Variants in DPP6 observed in about 807,000 individuals in gnomAD.
The protein encoded by DPP6 is A-type potassium channel modulatory protein DPP6.
DPP6 carries 69 observed loss-of-function variants against 122.6 expected under a neutral mutation model. The ratio of observed to expected loss-of-function variants is 0.56; its 90% CI spans 0.46 to 0.69. The LOEUF is 0.69. Among genes scored for constraint, DPP6 ranks in the 30% least tolerant of loss-of-function variants. DPP6 has a pLI of 0.00. For missense variants in DPP6, 928 were observed against 1,116.9 expected, an observed-to-expected ratio of 0.83 and a Z score of 2.41; for synonymous variants, 418 against 433.1, an observed-to-expected ratio of 0.97 and a Z score of 0.43.
At chr7:154,574,429 G>GTT (rs1563876932) in intron 5 of DPP6, among the ~76,000 whole-genome samples, 1 of 138,180 alleles carries the variant, frequency 7.2e-6, no homozygotes. Flanking sequence ...GTATATGTGT[G>GTT]GTGTGTGTGT....
chr7:154,769,545 A>G lies in DPP6; in HGVS notation c.1012A>G (p.Thr338Ala), dbSNP rs1796115508. The part of the protein sequence containing the change: ...LPTYTGSIYP[T>A]VKPYHYPKAG... ...AACTTACACCGGCTCCATCTACCCC[A>G]CCGTGAAGCCCTACCACTATCCCAA... The change falls in exon 9 of 26, where the codon ACC becomes GCC. Residue 338 changes from threonine to alanine, a missense_variant. Coordinates refer to ENST00000377770, the MANE Select transcript of DPP6 (RefSeq NM_130797.4). 1 of 1,610,780 alleles carries G rather than the reference A, an allele frequency of 6.2e-7. No homozygotes were observed.
At chr7:154,210,559 A>G (rs1269129141) in intron 1 of DPP6, among the ~76,000 whole-genome samples, 1 of 152,244 alleles carries the variant, frequency 6.6e-6, no homozygotes, top group East Asian at 1.9e-4. Context: ...ACTATGCAAT[A>G]ACATTAGTTA....
chr7:154,759,774 C>T (rs1366841858), intron 8 of DPP6, among the ~76,000 whole-genome samples: 2 of 152,230 alleles, frequency 1.3e-5, no homozygotes, highest in Non-Finnish European at 2.9e-5. Context: ...GCAGAAGGGG[C>T]TCGCTGCCTG....
At chr7:154,874,906 C>T (rs748568004) in intron 19 of DPP6, among the ~76,000 whole-genome samples, 4 of 152,222 alleles carry the variant, frequency 2.6e-5, no homozygotes, top group Admixed American at 2.0e-4. Flanking sequence ...GCCTGGGCAA[C>T]ATAGCAAGAC....
chr7:154,692,259 A>G (rs970362521), intron 7 of DPP6, among the ~76,000 whole-genome samples: 11 of 152,240 alleles, frequency 7.2e-5, no homozygotes, highest in Admixed American at 4.6e-4. Context: ...AGACAAGCCT[A>G]TTAGCTTTTT....
At chr7:153,809,419 A>C in the DPP6 span, among the ~76,000 whole-genome samples, 1 of 152,162 alleles carries the variant, frequency 6.6e-6, no homozygotes, top group East Asian at 1.9e-4. Context: ...TAGCATGGAC[A>C]GATGCTCAAA....
Position 154,892,529 on chromosome 7 carries a change from A to G in DPP6, c.*49A>G. ...CGTGGCTCTTTCTACAACCAGATGC[A>G]ACCGAGGGATTTCCCTGCCCTCCCT... On this transcript the variant is annotated 3_prime_UTR_variant, in exon 26 of 26. Transcript: ENST00000377770. 1 of 1,606,556 alleles carries G rather than the reference A, an allele frequency of 6.2e-7. No individual in the cohort carries two copies. The highest frequency in any genetic ancestry group is 8.5e-7 in the Non-Finnish European group (1 of 1,175,086).
intron 1 of DPP6, among the ~76,000 whole-genome samples, chr7:154,155,374 G>A (rs1422562700): frequency 6.6e-6 from 1 of 152,212 alleles, no homozygotes; most frequent in East Asian, 1.9e-4. Flanking sequence ...CAGAGAAATA[G>A]TCAGGAGCTA....
intron 1 of DPP6, among the ~76,000 whole-genome samples, chr7:154,371,055 A>C (rs1340764167): frequency 6.6e-6 from 1 of 152,176 alleles, no homozygotes; most frequent in Non-Finnish European, 1.5e-5. Flanking sequence ...GCTTTCTGCC[A>C]AAAGAAATGC....
intron 1 of DPP6, among the ~76,000 whole-genome samples, chr7:154,429,476 C>G (rs1818181301): frequency 6.6e-6 from 1 of 152,200 alleles, no homozygotes; most frequent in South Asian, 2.1e-4. Context: ...GGAGTTGGGT[C>G]TCTCAGCATT....
At chr7:154,439,956 A>G (rs2151276054) in intron 1 of DPP6, among the ~76,000 whole-genome samples, 1 of 152,306 alleles carries the variant, frequency 6.6e-6, no homozygotes, top group Non-Finnish European at 1.5e-5. Flanking sequence ...GAGCCTGAGC[A>G]GTGAGACGTC....
At chr7:154,427,293 G>T (rs191214425) in intron 1 of DPP6, among the ~76,000 whole-genome samples, 35 of 152,230 alleles carry the variant, frequency 2.3e-4, no homozygotes, top group Admixed American at 1.9e-3. Flanking sequence ...AGTGAAATTT[G>T]TATGTTTTTA....
At chr7:154,141,575 T>C (rs185203588) in intron 1 of DPP6, among the ~76,000 whole-genome samples, 38 of 152,346 alleles carry the variant, frequency 2.5e-4, no homozygotes, top group African/African-American at 8.9e-4. Flanking sequence ...TGTTCCTAAA[T>C]TCCTTTGGTC....
chr7:154,205,784 AT>A (rs1563315980), intron 1 of DPP6, among the ~76,000 whole-genome samples: 7 of 143,156 alleles, frequency 4.9e-5, no homozygotes, highest in African/African-American at 2.0e-4. Context: ...AAAAAAAAAA[AT>A]TAATTAATTA....
the DPP6 span, among the ~76,000 whole-genome samples, chr7:153,777,344 T>A: frequency 6.6e-6 from 1 of 150,516 alleles, no homozygotes; most frequent in African/African-American, 2.5e-5. Context: ...CTGATAATGT[T>A]AAACATGTAT....
At position 154,401,796 on chromosome 7, in the gene DPP6, C is replaced by A. The variant is rs563912180; in HGVS notation, c.244-44418C>A. ...TCTGCACAGCAAAAGAAACTACCAT[C>A]GGAGTGAACAGGCAGCCTACAAAAT... On this transcript the variant is annotated intron_variant, in intron 1 of 25. Transcript: ENST00000377770. Among the ~76,000 whole-genome samples, 8 of 152,278 alleles carry A rather than the reference C, an allele frequency of 5.3e-5. No individual in the cohort carries two copies. In the South Asian group the frequency reaches 1.5e-3, roughly 28 times the overall value.
chr7:154,549,801 T>C (rs1829496167), intron 4 of DPP6, among the ~76,000 whole-genome samples: 1 of 152,188 alleles, frequency 6.6e-6, no homozygotes, highest in Admixed American at 6.5e-5. Flanking sequence ...CGAGGTTACA[T>C]GCCAATCTCC....
chr7:154,650,282 A>G (rs1836789784), intron 6 of DPP6, among the ~76,000 whole-genome samples: 1 of 151,898 alleles, frequency 6.6e-6, no homozygotes, highest in Non-Finnish European at 1.5e-5. Context: ...CTCTGATTGC[A>G]CCATTGCACT....
intron 1 of DPP6, among the ~76,000 whole-genome samples, chr7:154,076,018 T>C (rs1400885405): frequency 1.3e-5 from 2 of 151,502 alleles, no homozygotes; most frequent in African/African-American, 4.8e-5. Context: ...GAACTTATAA[T>C]CCAGTTATCT....
Sources: allele counts gnomAD v4.1 joint callset (sites outside exome capture counted in the v4.1 genomes callset), GRCh38; gene constraint gnomAD v4.1.1; transcripts MANE v1.5; gene names NCBI Gene and HGNC (gene_info 2026-07-23, HGNC 2026-07-21).